SAMHD1: variants seen among roughly 807,000 people sequenced by gnomAD.
SAMHD1 encodes deoxynucleoside triphosphate triphosphohydrolase SAMHD1.
A neutral mutation model predicts 79.6 loss-of-function variants in SAMHD1; 54 were observed. The ratio of observed to expected loss-of-function variants is 0.68; its 90% CI spans 0.55 to 0.85. The LOEUF (loss-of-function observed/expected upper bound fraction) is 0.85. SAMHD1 is among the 40% of genes least tolerant of loss of function. SAMHD1 has a pLI of 0.00. For missense variants in SAMHD1, 663 were observed against 782.7 expected (o/e 0.85, Z 1.82); for synonymous variants, 260 against 264.1 (o/e 0.98, Z 0.15).
At chr20:36,920,875 A>G (rs2063499954) in intron 6 of SAMHD1, among the ~76,000 whole-genome samples, 1 of 152,136 alleles carries the variant, frequency 6.6e-6, no homozygotes, top group Admixed American at 6.6e-5. Context: ...GCTTGAGCCC[A>G]GGAGTTCGAG....
intron 11 of SAMHD1, among the ~76,000 whole-genome samples, chr20:36,908,262 A>T (rs1427320405): frequency 6.6e-6 from 1 of 151,450 alleles, no homozygotes; most frequent in Non-Finnish European, 1.5e-5. Flanking sequence ...TTATTATTTG[A>T]TACAGGGTCT....
At chr20:36,900,043 G>A (rs1326527843) in intron 13 of SAMHD1, among the ~76,000 whole-genome samples, 2 of 149,242 alleles carry the variant, frequency 1.3e-5, no homozygotes, top group East Asian at 2.0e-4. Context: ...GCAGTGAGCC[G>A]AGATCGTGCC....
At chr20:36,893,133 GAA>G in intron 15 of SAMHD1, 67 bp from the exon 16 acceptor site, 2 of 1,588,906 alleles carry the variant, frequency 1.3e-6, no homozygotes, top group South Asian at 2.2e-5. Context: ...ATTTCTGAGT[GAA>G]AGTCTCAAGT....
chr20:36,942,170 C>T (rs1429217516), intron 2 of SAMHD1, among the ~76,000 whole-genome samples: 4 of 152,188 alleles, frequency 2.6e-5, no homozygotes, highest in African/African-American at 7.2e-5. Flanking sequence ...AATCCCAGCA[C>T]TTTGGGAGGC....
At chr20:36,913,343 C>T (rs2148366676) in intron 9 of SAMHD1, among the ~76,000 whole-genome samples, 1 of 151,474 alleles carries the variant, frequency 6.6e-6, no homozygotes, top group Admixed American at 6.5e-5. Flanking sequence ...ATGGCTCATG[C>T]CTGTAACCCC....
intron 6 of SAMHD1, among the ~76,000 whole-genome samples, chr20:36,924,128 T>C (rs2063522626): frequency 6.6e-6 from 1 of 152,042 alleles, no homozygotes; most frequent in Non-Finnish European, 1.5e-5. Flanking sequence ...AGTGTGTGCC[T>C]GTAGTCCCAG....
At chr20:36,915,833 A>G (rs1364464921) in intron 9 of SAMHD1, among the ~76,000 whole-genome samples, 3 of 152,062 alleles carry the variant, frequency 2.0e-5, no homozygotes, top group Non-Finnish European at 4.4e-5. Context: ...TGTCAACTGT[A>G]TAAAATTTTT....
chr20:36,900,774 A>G lies in SAMHD1; in HGVS notation c.1504-2230T>C, dbSNP rs552704253. Among the ~76,000 whole-genome samples the G allele has an allele frequency of 5.4e-5, 8 of 147,310 alleles. No homozygotes were observed. The South Asian group carries it at 6.5e-4, about 12-fold the overall frequency. On this transcript the variant is annotated intron_variant, in intron 13 of 15. Transcript: ENST00000646673. ...ATTTTAGTAGAGACAGGGTTTCACC[A>G]TGTTGGCCAGGATGGTCTCGATCTC...
chr20:36,916,116 G>A (rs1158948803), intron 9 of SAMHD1, among the ~76,000 whole-genome samples: 22 of 151,232 alleles, frequency 1.5e-4, no homozygotes, highest in Admixed American at 1.3e-3. Context: ...AGCCGAGATC[G>A]TGCCACTGCA....
intron 6 of SAMHD1, among the ~76,000 whole-genome samples, chr20:36,924,948 G>A (rs2063527651): frequency 6.6e-6 from 1 of 151,954 alleles, no homozygotes; most frequent in African/African-American, 2.4e-5. Flanking sequence ...CATGAGATCA[G>A]GAGTTCGAGA....
chr20:36,893,856 T>A (rs1171491569), intron 15 of SAMHD1: 1 of 398,532 alleles, frequency 2.5e-6, no homozygotes, highest in Admixed American at 4.4e-5. Context: ...GCTACTCCGG[T>A]AAATTACATT....
intron 1 of SAMHD1, among the ~76,000 whole-genome samples, chr20:36,948,865 CAAAA>C (rs1234320388): frequency 1.2e-5 from 1 of 86,314 alleles, no homozygotes; most frequent in Non-Finnish European, 2.5e-5. Flanking sequence ...GACTCTGTCT[CAAAA>C]AAAAAAAAAA....
At chr20:36,893,986 C>T (rs146889593) in intron 15 of SAMHD1, 210 of 398,560 alleles carry the variant, frequency 5.3e-4, no homozygotes, top group Non-Finnish European at 8.4e-4. Flanking sequence ...CCTCCTCTGG[C>T]ACGAGCGGCA....
At chr20:36,926,048 T>C (rs767893584) in intron 6 of SAMHD1, among the ~76,000 whole-genome samples, 1 of 151,066 alleles carries the variant, frequency 6.6e-6, no homozygotes, top group Non-Finnish European at 1.5e-5. Context: ...CTGCTGAATG[T>C]ATTTCTTGTT....
In SAMHD1 at chr20:36,890,663, G is replaced by C. The variant is rs1432191684; in HGVS notation, c.*2269C>G. ...CCGGCTAATTTTTGTATTTTTAGTAGAGACTGGGTTTCGCCATGCTAGCCA... is the reference window on the plus strand; with the variant it reads ...CCGGCTAATTTTTGTATTTTTAGTACAGACTGGGTTTCGCCATGCTAGCCA... On this transcript the variant is annotated 3_prime_UTR_variant, in exon 16 of 16. Transcript: ENST00000646673. 8 of 151,970 alleles carry C rather than the reference G, an allele frequency of 5.3e-5. No homozygotes were observed. The highest frequency in any genetic ancestry group is 1.2e-4 in the Non-Finnish European group (8 of 68,022). The allele number at this position is 151,970 out of a possible 1,614,324, so 9.4% of individuals were successfully genotyped here.
chr20:36,934,980 A>C, intron 4 of SAMHD1, 49 bp downstream of exon 4: 1 of 1,577,606 alleles, frequency 6.3e-7, no homozygotes, highest in Non-Finnish European at 8.7e-7. Flanking sequence ...TTCATGAGAC[A>C]GAGAAAATAC....
chr20:36,931,325 C>A (rs1419473237), intron 4 of SAMHD1, among the ~76,000 whole-genome samples: 7 of 152,142 alleles, frequency 4.6e-5, no homozygotes, highest in African/African-American at 1.7e-4. Flanking sequence ...TATACACCCA[C>A]AATAACGAAA....
intron 10 of SAMHD1, 172 bp downstream of exon 10, chr20:36,912,289 C>A: frequency 3.3e-6 from 2 of 597,782 alleles, no homozygotes; most frequent in Non-Finnish European, 6.0e-6. Flanking sequence ...CCTCCTTTTC[C>A]TCCAACTAAA....
intron 13 of SAMHD1, among the ~76,000 whole-genome samples, chr20:36,902,337 C>G (rs1397469511): frequency 6.6e-6 from 1 of 152,126 alleles, no homozygotes; most frequent in Non-Finnish European, 1.5e-5. Flanking sequence ...CACCCACCAC[C>G]ATCCCTGGCT....
Sources: gnomAD v4.1 joint callset for allele counts (sites outside exome capture counted in the v4.1 genomes callset) on GRCh38, gnomAD v4.1.1 for gene constraint, MANE v1.5 for transcripts, NCBI Gene and HGNC (gene_info 2026-07-23, HGNC 2026-07-21) for gene names.